XPO6: variants seen among roughly 807,000 people sequenced by gnomAD.
The protein encoded by XPO6 is exportin-6.
XPO6 carries 3 observed loss-of-function variants against 130.0 expected under a neutral mutation model. That is an observed-to-expected ratio of 0.02 (90% confidence interval 0.01 to 0.06). XPO6 has a LOEUF of 0.06. XPO6 is among the 10% of genes least tolerant of loss of function. The pLI, the probability that XPO6 is intolerant of heterozygous loss-of-function variation, is 1.00. For synonymous variants in XPO6, 524 were observed against 548.9 expected (o/e 0.95, Z 0.63); for missense variants, 970 against 1,393.0 (o/e 0.70, Z 4.83).
chr16:28,112,850 C>CT, intron 16 of XPO6, 54 bp downstream of exon 16: 1 of 1,571,360 alleles, frequency 6.4e-7, no homozygotes, highest in Non-Finnish European at 8.7e-7. Context: ...CCTCAGCTTC[C>CT]TTGGGTCTCA....
chr16:28,193,788 C>G lies in XPO6; in HGVS notation c.4-12757G>C, dbSNP rs373020675. 4.6e-4 allele frequency among the ~76,000 whole-genome samples: 70 copies of G among 152,242 alleles called. 1 individual carries two copies. In the South Asian group the frequency reaches 0.014, roughly 30 times the overall value. ...TCCCCGCACAGCAAGCACGCATCAC[C>G]CGTCCCACGATTCTCAACCAATTTT... On this transcript the variant is annotated intron_variant, in intron 1 of 23. Coordinates refer to ENST00000304658, the MANE Select transcript of XPO6 (RefSeq NM_015171.4).
chr16:28,152,546 A>C, intron 8 of XPO6, 113 bp downstream of exon 8: 1 of 1,288,536 alleles, frequency 7.8e-7, no homozygotes, highest in Non-Finnish European at 1.1e-6. Context: ...TTCACATAAT[A>C]AGCATTATAT....
At chr16:28,171,064 C>T (rs1488496583) in intron 4 of XPO6, among the ~76,000 whole-genome samples, 1 of 150,632 alleles carries the variant, frequency 6.6e-6, no homozygotes, top group African/African-American at 2.4e-5. Flanking sequence ...AGTTAATTCC[C>T]TGACACACTT....
At chr16:28,112,437 G>A (rs1188455013) in intron 16 of XPO6, among the ~76,000 whole-genome samples, 3 of 152,110 alleles carry the variant, frequency 2.0e-5, no homozygotes, top group African/African-American at 7.2e-5. Flanking sequence ...GTGCCCTCTG[G>A]TACCCTCTTC....
chr16:28,120,798 T>C (rs1315373868), intron 14 of XPO6, among the ~76,000 whole-genome samples: 1 of 152,232 alleles, frequency 6.6e-6, no homozygotes, highest in Non-Finnish European at 1.5e-5. Flanking sequence ...GCAGACCTTT[T>C]CTGTAAAAAC....
intron 6 of XPO6, among the ~76,000 whole-genome samples, chr16:28,157,070 A>G (rs780346008): frequency 6.6e-6 from 1 of 152,214 alleles, no homozygotes; most frequent in Non-Finnish European, 1.5e-5. Context: ...AAAATATAAG[A>G]GTATTTGAAA....
intron 12 of XPO6, among the ~76,000 whole-genome samples, chr16:28,129,144 CAT>C: frequency 6.6e-6 from 1 of 152,354 alleles, no homozygotes; most frequent in East Asian, 1.9e-4. Context: ...CCACTTCACA[CAT>C]ATGTGTATCT....
intron 12 of XPO6, among the ~76,000 whole-genome samples, chr16:28,131,815 TA>T (rs1376046930): frequency 2.0e-5 from 3 of 152,168 alleles, no homozygotes; most frequent in African/African-American, 7.2e-5. Flanking sequence ...ATCAACAAAA[TA>T]ACAAAGCAAA....
chr16:28,181,571 G>A (rs2043616980), intron 1 of XPO6, among the ~76,000 whole-genome samples: 1 of 150,100 alleles, frequency 6.7e-6, no homozygotes, highest in Non-Finnish European at 1.5e-5. Flanking sequence ...GGAGTATAGT[G>A]GTGCAATCAT....
At chr16:28,125,250 G>A (rs890885881) in intron 13 of XPO6, among the ~76,000 whole-genome samples, 5 of 152,162 alleles carry the variant, frequency 3.3e-5, no homozygotes, top group African/African-American at 1.2e-4. Context: ...CTGCCTACTT[G>A]GACAATGGAG....
chr16:28,152,555 A>T (rs2043114087), intron 8 of XPO6, 104 bp downstream of exon 8: 2 of 1,372,644 alleles, frequency 1.5e-6, no homozygotes, highest in Admixed American at 2.4e-5. Flanking sequence ...TAAGCATTAT[A>T]TTAATGTTTG....
At position 28,178,583 on chromosome 16, in the gene XPO6, G is replaced by A. The variant is rs148977147; in HGVS notation, c.95-1251C>T. On this transcript the variant is annotated intron_variant, in intron 2 of 23. Transcript: ENST00000304658. ...TAGGATTATAAGCATGAGACACCACGCACAGATGGCTATTTAAAGAAAAAA... is the reference window on the plus strand; with the variant it reads ...TAGGATTATAAGCATGAGACACCACACACAGATGGCTATTTAAAGAAAAAA... Among the ~76,000 whole-genome samples the A allele has an allele frequency of 2.1e-3, 288 of 135,664 alleles. 3 individuals are homozygous for A. Among genetic ancestry groups the A allele is most frequent in the African/African-American group, 6.0e-3 (236 of 39,090 alleles). 89.0% of individuals were successfully genotyped at this position (135,664 alleles called of 152,430 possible).
chr16:28,123,333 C>A lies in XPO6; in HGVS notation c.1767-1571G>T, dbSNP rs116522648. 4.8e-3 allele frequency among the ~76,000 whole-genome samples: 727 copies of A among 151,482 alleles called. 8 individuals carry two copies. Among genetic ancestry groups the A allele is most frequent in the African/African-American group, 0.017 (703 of 40,780 alleles). ...ATGTTGTCCAGGTTGGTCTTGAACTCCTGGACTCAAGCGATCTGCTCACCT... is the reference window on the plus strand; with the variant it reads ...ATGTTGTCCAGGTTGGTCTTGAACTACTGGACTCAAGCGATCTGCTCACCT... On this transcript the variant is annotated intron_variant, in intron 13 of 23. Transcript: ENST00000304658.
chr16:28,160,715 G>A (rs1457428880), intron 6 of XPO6, among the ~76,000 whole-genome samples: 1 of 151,988 alleles, frequency 6.6e-6, no homozygotes, highest in African/African-American at 2.4e-5. Flanking sequence ...AAATGTTTGG[G>A]TTTCAGAAGT....
intron 6 of XPO6, among the ~76,000 whole-genome samples, chr16:28,161,947 T>C (rs560415663): frequency 6.6e-6 from 1 of 152,322 alleles, no homozygotes; most frequent in Admixed American, 6.5e-5. Flanking sequence ...TGTTCTCCTC[T>C]GTATTAAAGT....
intron 1 of XPO6, among the ~76,000 whole-genome samples, chr16:28,198,952 T>C (rs1274677278): frequency 6.6e-6 from 1 of 152,168 alleles, no homozygotes; most frequent in Non-Finnish European, 1.5e-5. Context: ...GAGACCAGCC[T>C]GGCCAACCTG....
chr16:28,198,061 CAA>C (rs2043897279), intron 1 of XPO6, among the ~76,000 whole-genome samples: 1 of 145,700 alleles, frequency 6.9e-6, no homozygotes, highest in Non-Finnish European at 1.5e-5. Flanking sequence ...AAGGTTTTCG[CAA>C]AGACATTAAT....
chr16:28,114,904 C>T (rs2087017112), intron 15 of XPO6, among the ~76,000 whole-genome samples: 1 of 152,210 alleles, frequency 6.6e-6, no homozygotes, highest in Admixed American at 6.5e-5. Context: ...ATGTTCACAG[C>T]ATCTTCACCA....
intron 4 of XPO6, 146 bp from the exon 5 acceptor site, chr16:28,170,055 A>C: frequency 9.0e-7 from 1 of 1,111,574 alleles, no homozygotes; most frequent in East Asian, 2.7e-5. Context: ...CTTAGAGGCC[A>C]GCTCCAATGG....
Sources: gnomAD v4.1 joint callset for allele counts (sites outside exome capture counted in the v4.1 genomes callset) on GRCh38, gnomAD v4.1.1 for gene constraint, MANE v1.5 for transcripts, NCBI Gene and HGNC (gene_info 2026-07-23, HGNC 2026-07-21) for gene names.